Variants in RALGPS2 observed in about 807,000 individuals in gnomAD.
RALGPS2 encodes ras-specific guanine nucleotide-releasing factor RalGPS2.
RALGPS2 carries 43 observed loss-of-function variants against 86.8 expected under a neutral mutation model. The observed-to-expected ratio is 0.50, with a 90% confidence interval of 0.39 to 0.64. The LOEUF (loss-of-function observed/expected upper bound fraction) is 0.64. Among genes scored for constraint, RALGPS2 ranks in the 30% least tolerant of loss-of-function variants. The pLI, the probability that RALGPS2 is intolerant of heterozygous loss-of-function variation, is 0.00. For missense variants in RALGPS2, 536 were observed against 694.6 expected (o/e 0.77, Z 2.57); for synonymous variants, 243 against 231.3 (o/e 1.05, Z -0.46).
rs1216146331 is a variant in RALGPS2, at chr1:178,885,369, C to A, written c.1040+158C>A. The A allele has an allele frequency of 5.9e-6, 4 of 677,366 alleles. No homozygotes were observed. In the South Asian group the frequency reaches 9.9e-5, roughly 17 times the overall value. The allele number at this position is 677,366 out of a possible 1,614,324, so 42.0% of individuals were successfully genotyped here. A position where few individuals can be genotyped will look rare whatever the true frequency, so the allele number is the denominator to read the frequency against. On this transcript the variant is annotated intron_variant, in intron 12 of 19. Coordinates refer to ENST00000367635, the MANE Select transcript of RALGPS2 (RefSeq NM_152663.5). ...GTAAAATGCCTTGTTTGCCTAAAAG[C>A]TTTTATTTCTTACTTTACCTGAATT... is the stretch of plus-strand genomic sequence containing the variant.
At chr1:178,753,588 A>G (rs1651793253) in intron 1 of RALGPS2, 1 of 152,190 alleles carries the variant, frequency 6.6e-6, no homozygotes, top group Admixed American at 6.5e-5. Flanking sequence ...GTTGGTGGTA[A>G]CAGTTGTACT....
chr1:178,735,601 CTTTTTTTTTTTT>C, intron 1 of RALGPS2, among the ~76,000 whole-genome samples: 1 of 41,400 alleles, frequency 2.4e-5, no homozygotes, highest in Non-Finnish European at 4.9e-5. Context: ...TTTTTGTATT[CTTTTTTTTTTTT>C]TTTTTTTTTA....
intron 1 of RALGPS2, among the ~76,000 whole-genome samples, chr1:178,760,978 T>G (rs574951291): frequency 2.8e-4 from 43 of 151,056 alleles, no homozygotes; most frequent in African/African-American, 1.0e-3. Context: ...AAGACTTTAT[T>G]CTTTTTTTTT....
Position 178,883,514 on chromosome 1 carries a change from T to C in RALGPS2, c.885T>C (p.Ala295=). Residue 295 remains alanine (A), a synonymous_variant, in exon 11 of 20, where the codon GCT becomes GCC. Transcript: ENST00000367635. The part of the protein sequence containing the change: ...EPGTSTPRSA[A]SREDLVGPEV... ...GGACAAGCACCCCACGTTCTGCTGC[T>C]TCCAGAGAAGATTTAGTAGGTCAGT... is the stretch of plus-strand genomic sequence containing the variant. 6.2e-7 allele frequency: 1 copy of C among 1,613,292 alleles called. No individual in the cohort carries two copies. The highest frequency in any genetic ancestry group is 8.5e-7 in the Non-Finnish European group (1 of 1,179,250).
Position 178,920,824 on chromosome 1 carries a change from C to T in RALGPS2, c.*4465C>T, listed in dbSNP as rs1021090032. 6 of 152,034 alleles carry T rather than the reference C, an allele frequency of 3.9e-5. No individual in the cohort carries two copies. Among genetic ancestry groups the T allele is most frequent in the Non-Finnish European group, 7.4e-5 (5 of 67,894 alleles). 9.4% of individuals were successfully genotyped at this position (152,034 alleles called of 1,614,324 possible). A position where few individuals can be genotyped will look rare whatever the true frequency, so the allele number is the denominator to read the frequency against. Reference sequence around the variant, plus strand: ...TACTGAAATCTTGTAATGAAAATCCCTTTGGCCAGAAATGAGATTTATTTC... The same window carrying T: ...TACTGAAATCTTGTAATGAAAATCCTTTTGGCCAGAAATGAGATTTATTTC... On this transcript the variant is annotated 3_prime_UTR_variant, in exon 20 of 20. Transcript: ENST00000367635.
intron 1 of RALGPS2, among the ~76,000 whole-genome samples, chr1:178,732,497 A>G (rs538564908): frequency 6.6e-6 from 1 of 152,034 alleles, no homozygotes; most frequent in African/African-American, 2.4e-5. Flanking sequence ...ACAGGGTTTC[A>G]CCATGTTAGC....
chr1:178,812,247 C>CCT (rs1382832028), intron 6 of RALGPS2, among the ~76,000 whole-genome samples: 1 of 152,044 alleles, frequency 6.6e-6, no homozygotes, highest in Non-Finnish European at 1.5e-5. Flanking sequence ...AATGAATGAG[C>CCT]CCAGAGAACG....
rs540126759 is a variant in RALGPS2, at chr1:178,831,382, G to T, written c.481-2042G>T. Among the ~76,000 whole-genome samples the T allele has an allele frequency of 9.9e-4, 151 of 152,294 alleles. 1 individual carries two copies. The highest frequency in any genetic ancestry group is 3.3e-3 in the African/African-American group (139 of 41,570). On this transcript the variant is annotated intron_variant, in intron 7 of 19. Coordinates refer to ENST00000367635, the MANE Select transcript of RALGPS2 (RefSeq NM_152663.5). ...TGAAGATACAAACCAAGGTGATGAG[G>T]AATAATCTGGGAGTTTGTGTTTCCT...
In RALGPS2 at chr1:178,819,983, T is replaced by C. The variant is rs138829817; in HGVS notation, c.388-1629T>C. Among the ~76,000 whole-genome samples the C allele has an allele frequency of 6.0e-3, 908 of 152,314 alleles. 15 individuals carry two copies. The highest frequency in any genetic ancestry group is 0.021 in the African/African-American group (879 of 41,562). On this transcript the variant is annotated intron_variant, in intron 6 of 19. Coordinates refer to ENST00000367635, the MANE Select transcript of RALGPS2 (RefSeq NM_152663.5). ...AGATATATTTAGGAATACACTTTTT[T>C]CCCCAGATTTTAGAAAGGTGGTATA... is the stretch of plus-strand genomic sequence containing the variant.
At chr1:178,729,944 T>C (rs943253321) in intron 1 of RALGPS2, among the ~76,000 whole-genome samples, 1 of 152,202 alleles carries the variant, frequency 6.6e-6, no homozygotes, top group Non-Finnish European at 1.5e-5. Context: ...TTTTATTATT[T>C]ATTTATTTAT....
chr1:178,907,169 A>G (rs1158881264), intron 19 of RALGPS2, among the ~76,000 whole-genome samples: 1 of 152,198 alleles, frequency 6.6e-6, no homozygotes, highest in Admixed American at 6.5e-5. Context: ...GGCAGCAAAG[A>G]TCTCCCTGAG....
At chr1:178,852,882 A>G (rs375369347) in intron 8 of RALGPS2, 1 of 1,613,842 alleles carries the variant, frequency 6.2e-7, no homozygotes, top group Non-Finnish European at 8.5e-7. Flanking sequence ...ACTTGTAATT[A>G]TCTTGATTGC....
chr1:178,765,006 G>A (rs1358049822), intron 1 of RALGPS2, among the ~76,000 whole-genome samples: 1 of 152,058 alleles, frequency 6.6e-6, no homozygotes, highest in Non-Finnish European at 1.5e-5. Flanking sequence ...TCTCTCTCCT[G>A]CTGGCCATGT....
intron 6 of RALGPS2, among the ~76,000 whole-genome samples, chr1:178,814,396 TAC>T (rs1437143341): frequency 1.3e-5 from 2 of 152,196 alleles, no homozygotes; most frequent in African/African-American, 4.8e-5. Context: ...GCCCTAGAAA[TAC>T]AGAGTTCGTA....
intron 1 of RALGPS2, among the ~76,000 whole-genome samples, chr1:178,769,594 G>A (rs1311642450): frequency 2.6e-5 from 4 of 151,582 alleles, no homozygotes; most frequent in African/African-American, 9.7e-5. Flanking sequence ...TGCCTGAGGT[G>A]GAGTGGAGAG....
intron 7 of RALGPS2, among the ~76,000 whole-genome samples, chr1:178,827,951 G>T (rs1655831056): frequency 6.6e-6 from 1 of 152,228 alleles, no homozygotes; most frequent in African/African-American, 2.4e-5. Context: ...CATACCATCT[G>T]CAAAAATGAA....
intron 1 of RALGPS2, among the ~76,000 whole-genome samples, chr1:178,741,352 T>C (rs1439304480): frequency 6.6e-6 from 1 of 152,234 alleles, no homozygotes; most frequent in African/African-American, 2.4e-5. Context: ...CGGGCAGAAA[T>C]AGAATTCAAA....
intron 8 of RALGPS2, among the ~76,000 whole-genome samples, chr1:178,855,920 G>T (rs1219259771): frequency 2.0e-5 from 3 of 148,820 alleles, no homozygotes; most frequent in African/African-American, 7.4e-5. Context: ...GTTAATACAC[G>T]AATTACATTG....
intron 15 of RALGPS2, 45 bp downstream of exon 15, chr1:178,892,352 G>T: frequency 6.5e-7 from 1 of 1,527,454 alleles, no homozygotes; most frequent in East Asian, 2.3e-5. Context: ...CCCTTATGGT[G>T]TTGGTGATTG....
Sources: allele counts gnomAD v4.1 joint callset (sites outside exome capture counted in the v4.1 genomes callset), GRCh38; gene constraint gnomAD v4.1.1; transcripts MANE v1.5; gene names NCBI Gene and HGNC (gene_info 2026-07-23, HGNC 2026-07-21).